Variants in CTNNA2 observed in about 807,000 individuals in gnomAD.
The protein encoded by CTNNA2 is catenin alpha-2.
A neutral mutation model predicts 101.0 loss-of-function variants in CTNNA2; 42 were observed. The observed-to-expected ratio is 0.42, with a 90% CI of 0.32 to 0.54. The LOEUF is 0.54. CTNNA2 is among the 20% of genes least tolerant of loss of function. The pLI is 0.14. For missense variants in CTNNA2, 871 were observed against 1,223.1 expected, an observed-to-expected ratio of 0.71 and a Z score of 4.29; for synonymous variants, 450 against 456.4, an observed-to-expected ratio of 0.99 and a Z score of 0.18.
chr2:79,692,844 AG>A (rs1366759391), intron 2 of CTNNA2, among the ~76,000 whole-genome samples: 3 of 115,082 alleles, frequency 2.6e-5, no homozygotes, highest in African/African-American at 3.4e-5. Flanking sequence ...GGACACAGGG[AG>A]GGGAACATCA....
chr2:79,888,708 G>C (rs1416035693), intron 6 of CTNNA2, among the ~76,000 whole-genome samples: 2 of 152,082 alleles, frequency 1.3e-5, no homozygotes, highest in African/African-American at 4.8e-5. Flanking sequence ...AAAAATGTAA[G>C]AATCTGTTTT....
At chr2:80,579,935 A>C (rs928960797) in intron 13 of CTNNA2, among the ~76,000 whole-genome samples, 3 of 152,214 alleles carry the variant, frequency 2.0e-5, no homozygotes, top group Admixed American at 6.5e-5. Context: ...TTTTCTTTTG[A>C]AAGACAAAGC....
intron 2 of CTNNA2, among the ~76,000 whole-genome samples, chr2:79,668,582 C>G (rs992469822): frequency 6.6e-6 from 1 of 152,140 alleles, no homozygotes; most frequent in Non-Finnish European, 1.5e-5. Context: ...AGATAGTATT[C>G]TACTTACTTT....
At chr2:80,301,038 T>C (rs1676256971) in intron 7 of CTNNA2, among the ~76,000 whole-genome samples, 1 of 151,926 alleles carries the variant, frequency 6.6e-6, no homozygotes, top group African/African-American at 2.4e-5. Context: ...ATTATTCCCA[T>C]CTCAGAAATA....
rs562906541 is a variant in CTNNA2 at position 79,696,628 on chromosome 2, A to G, written c.102+44970A>G. Among the ~76,000 whole-genome samples, 4 of 152,072 alleles carry G rather than the reference A, an allele frequency of 2.6e-5. No homozygotes were observed. The South Asian group carries it at 6.2e-4, about 24-fold the overall frequency. ...TCAAAGCCAGCACTTACAATCTCACATGCCCATCTCCTTCTTCCGCAGTAC... is the reference window on the plus strand; with the variant it reads ...TCAAAGCCAGCACTTACAATCTCACGTGCCCATCTCCTTCTTCCGCAGTAC... On this transcript the variant is annotated intron_variant, in intron 2 of 18. Transcript: ENST00000402739.
chr2:80,224,000 T>G (rs894329321), intron 7 of CTNNA2, among the ~76,000 whole-genome samples: 17 of 152,314 alleles, frequency 1.1e-4, no homozygotes, highest in South Asian at 4.1e-4. Flanking sequence ...AGTGTGCCAT[T>G]GGCACTCAGT....
chr2:79,524,578 T>A (rs1326854259), intron 1 of CTNNA2: 1 of 151,610 alleles, frequency 6.6e-6, no homozygotes, highest in Non-Finnish European at 1.5e-5. Flanking sequence ...TTACAAGCCT[T>A]ATTTACATGA....
At position 79,333,861 on chromosome 2, in the gene CTNNA2, C is replaced by T. The variant is rs371762466; in HGVS notation, c.-318+21065C>T. Among the ~76,000 whole-genome samples, 8 of 151,990 alleles carry T rather than the reference C, an allele frequency of 5.3e-5. No individual in the cohort carries two copies. In the East Asian group the frequency reaches 1.2e-3, roughly 22 times the overall value. On this transcript the variant is annotated intron_variant, in intron 3 of 21. Transcript: ENST00000466387. ...AAACTAGAGATGATCTATTTTTTAA[C>T]GTATGTCTCCAAAGGCAATTTTTAA... is the stretch of plus-strand genomic sequence containing the variant.
intron 3 of CTNNA2, among the ~76,000 whole-genome samples, chr2:79,786,525 G>A (rs1251007421): frequency 2.0e-5 from 3 of 151,720 alleles, no homozygotes; most frequent in African/African-American, 4.9e-5. Flanking sequence ...GGGGGAATAG[G>A]CATTCTTTCC....
At chr2:80,599,995 C>A (rs572584776) in intron 15 of CTNNA2, among the ~76,000 whole-genome samples, 1 of 138,422 alleles carries the variant, frequency 7.2e-6, no homozygotes, top group Non-Finnish European at 1.5e-5. Flanking sequence ...GACAATTTTT[C>A]TCATGTTATT....
intron 7 of CTNNA2, among the ~76,000 whole-genome samples, chr2:79,962,783 C>G (rs969256346): frequency 1.3e-5 from 2 of 152,096 alleles, no homozygotes; most frequent in East Asian, 1.9e-4. Flanking sequence ...TAATGTTACA[C>G]AAAATTGGCC....
intron 18 of CTNNA2, among the ~76,000 whole-genome samples, chr2:80,621,822 T>C (rs1258553854): frequency 6.6e-6 from 1 of 151,880 alleles, no homozygotes; most frequent in Non-Finnish European, 1.5e-5. Context: ...GAGGAGTCTG[T>C]ACATGTGCCA....
intron 9 of CTNNA2, among the ~76,000 whole-genome samples, chr2:80,541,223 T>C (rs1691528511): frequency 6.6e-6 from 1 of 152,192 alleles, no homozygotes; most frequent in African/African-American, 2.4e-5. Context: ...CTGAAATCCT[T>C]AGCATCATAT....
chr2:79,777,971 A>G (rs1017432621), intron 3 of CTNNA2, among the ~76,000 whole-genome samples: 106 of 152,122 alleles, frequency 7.0e-4, no homozygotes, highest in African/African-American at 2.5e-3. Flanking sequence ...ACATAAAACA[A>G]ATGGCATGTG....
At chr2:79,189,822 G>A (rs928324204) in intron 1 of CTNNA2, among the ~76,000 whole-genome samples, 13 of 152,156 alleles carry the variant, frequency 8.5e-5, no homozygotes, top group African/African-American at 3.1e-4. Flanking sequence ...CCTGGGCTGT[G>A]AAACTGACAA....
At chr2:80,048,309 G>A (rs1247806411) in intron 7 of CTNNA2, among the ~76,000 whole-genome samples, 2 of 152,268 alleles carry the variant, frequency 1.3e-5, no homozygotes, top group East Asian at 3.9e-4. Context: ...GGCCTTAAGA[G>A]AAAGTGGAAG....
At position 79,311,671 on chromosome 2, in the gene CTNNA2, C is replaced by A. The variant is rs73938183; in HGVS notation, c.-405-1038C>A. Among the ~76,000 whole-genome samples the A allele has an allele frequency of 3.0e-3, 461 of 152,230 alleles. 6 individuals are homozygous for A. The highest frequency in any genetic ancestry group is 9.5e-3 in the African/African-American group (395 of 41,548). The stretch of plus-strand genomic sequence containing the variant: ...TGCTCAGTGATCTCATACTATTCTA[C>A]TACTGCTACAAACCCCCACTCGGTG... On this transcript the variant is annotated intron_variant, in intron 2 of 21. Transcript: ENST00000466387.
At chr2:79,895,277 C>T (rs1684624393) in intron 6 of CTNNA2, among the ~76,000 whole-genome samples, 1 of 152,156 alleles carries the variant, frequency 6.6e-6, no homozygotes. Flanking sequence ...GTTTCTTTCC[C>T]ATCTTAATTT....
At chr2:79,546,869 G>T (rs781220738) in intron 1 of CTNNA2, among the ~76,000 whole-genome samples, 1 of 152,188 alleles carries the variant, frequency 6.6e-6, no homozygotes, top group Non-Finnish European at 1.5e-5. Flanking sequence ...AGTTAAGGAA[G>T]CTGGGTTGTA....
Sources: allele counts gnomAD v4.1 joint callset (sites outside exome capture counted in the v4.1 genomes callset), GRCh38; gene constraint gnomAD v4.1.1; transcripts MANE v1.5; gene names NCBI Gene and HGNC (gene_info 2026-07-23, HGNC 2026-07-21).